The following LYPD6B variants were observed in gnomAD, a reference collection of about 807,000 sequenced individuals.
The protein encoded by LYPD6B is LY6/PLAUR domain containing 6B.
Under a neutral mutation model 22.8 loss-of-function variants are expected in LYPD6B, and 17 were observed. The observed-to-expected ratio is 0.75, with a 90% CI of 0.51 to 1.12. LYPD6B has a LOEUF of 1.12. Among genes scored for constraint, LYPD6B ranks in the 50% most tolerant of loss-of-function variants. LYPD6B has a pLI of 0.00. For synonymous variants in LYPD6B, 106 were observed against 91.6 expected (o/e 1.16, Z -0.90); for missense variants, 221 against 258.3 (o/e 0.86, Z 0.99).
intron 2 of LYPD6B, among the ~76,000 whole-genome samples, chr2:149,134,586 T>C (rs747631738): frequency 1.2e-4 from 18 of 152,214 alleles, no homozygotes; most frequent in Non-Finnish European, 2.2e-4. Context: ...GTAGGTTTGC[T>C]TAAGATAGAT....
chr2:149,208,390 A>G lies in LYPD6B; in HGVS notation c.306A>G (p.Ala102=), dbSNP rs1254861103. The change falls in exon 5 of 7, where the codon GCA becomes GCG. Residue 102 remains alanine, a synonymous_variant. Coordinates refer to ENST00000409642, the MANE Select transcript of LYPD6B (RefSeq NM_177964.5). ...ATAATTATAACTGCAATCGATGGGC[A>G]GAAGACAAATGGTGTCCACAAAGTA... ...AGDNYNCNRW[A]EDKWCPQNTQ... 1.9e-6 allele frequency: 3 copies of G among 1,613,544 alleles called. No individual in the cohort carries two copies. The highest frequency in any genetic ancestry group is 2.5e-6 in the Non-Finnish European group (3 of 1,179,480).
chr2:149,195,180 C>T (rs143784025), intron 3 of LYPD6B, among the ~76,000 whole-genome samples: 66 of 152,312 alleles, frequency 4.3e-4, no homozygotes, highest in African/African-American at 1.6e-3. Context: ...TAGAGACCTT[C>T]AGCCCATCTC....
intron 2 of LYPD6B, among the ~76,000 whole-genome samples, chr2:149,137,413 A>G (rs959523426): frequency 7.2e-5 from 11 of 152,230 alleles, no homozygotes; most frequent in Non-Finnish European, 1.6e-4. Context: ...ATCTATGCAT[A>G]AGAAAATATG....
chr2:149,130,807 A>G (rs1687981849), intron 1 of LYPD6B, 76 bp from the exon 2 acceptor site: 1 of 694,380 alleles, frequency 1.4e-6, no homozygotes, highest in Admixed American at 2.3e-5. Context: ...AAAACCCCCT[A>G]CTTACTTAAA....
At chr2:149,097,334 G>A (rs1685950343) in intron 1 of LYPD6B, among the ~76,000 whole-genome samples, 1 of 152,188 alleles carries the variant, frequency 6.6e-6, no homozygotes, top group Non-Finnish European at 1.5e-5. Context: ...CTTCCCAACA[G>A]GATGCTAGGG....
At chr2:149,129,082 G>A (rs1328422603) in intron 1 of LYPD6B, among the ~76,000 whole-genome samples, 6 of 152,166 alleles carry the variant, frequency 3.9e-5, no homozygotes, top group Non-Finnish European at 8.8e-5. Context: ...TGTGAGATTT[G>A]TGGGGTTGCT....
chr2:149,068,681 TAGGTTGGCATGC>T (rs1157662445), intron 1 of LYPD6B: 1 of 550,368 alleles, frequency 1.8e-6, no homozygotes, highest in Non-Finnish European at 3.6e-6. Context: ...CTTAAAAAAC[TAGGTTGGCATGC>T]ATTTGACTTC....
Position 149,079,552 on chromosome 2 carries a change from C to T in LYPD6B, c.-67+40751C>T, listed in dbSNP as rs543109823. Among the ~76,000 whole-genome samples, 10 of 152,284 alleles carry T rather than the reference C, an allele frequency of 6.6e-5. No individual in the cohort carries two copies. The South Asian group carries it at 8.3e-4, about 13-fold the overall frequency. ...CTATATTAAAGTTCAGAAGTGATTC[C>T]GAACTACCAGCCACCCTTGAAGTCT... On this transcript the variant is annotated intron_variant, in intron 1 of 6. Transcript: ENST00000409642.
At chr2:149,080,834 T>C (rs1236381042) in intron 1 of LYPD6B, among the ~76,000 whole-genome samples, 2 of 102,308 alleles carry the variant, frequency 2.0e-5, no homozygotes, top group African/African-American at 8.2e-5. Context: ...AGAGCAAGAC[T>C]CTATCTCAAA....
chr2:149,117,936 G>T (rs1342906994), intron 1 of LYPD6B, among the ~76,000 whole-genome samples: 1 of 152,146 alleles, frequency 6.6e-6, no homozygotes, highest in African/African-American at 2.4e-5. Context: ...CTAGGCTAGG[G>T]CTGTGGTCAT....
rs1263918672 is a variant in LYPD6B at position 149,054,771 on chromosome 2, C to T, written c.-67+15970C>T. Among the ~76,000 whole-genome samples the T allele has an allele frequency of 3.3e-5, 5 of 151,964 alleles. No homozygotes were observed. In the East Asian group the frequency reaches 5.8e-4, roughly 18 times the overall value. On this transcript the variant is annotated intron_variant, in intron 1 of 6. Coordinates refer to ENST00000409642, the MANE Select transcript of LYPD6B (RefSeq NM_177964.5). ...GCGTGCACCTGCAGTTCCAGCTACC[C>T]AGGTGGCTGAGGCTGGAGAATCTCT...
intron 1 of LYPD6B, among the ~76,000 whole-genome samples, chr2:149,120,149 A>G (rs1398178360): frequency 1.3e-5 from 2 of 151,884 alleles, no homozygotes; most frequent in East Asian, 1.9e-4. Context: ...TGGTCTGTGA[A>G]TATTATGTCC....
chr2:149,106,001 G>A (rs1420368363), intron 1 of LYPD6B, among the ~76,000 whole-genome samples: 1 of 152,036 alleles, frequency 6.6e-6, no homozygotes, highest in Non-Finnish European at 1.5e-5. Flanking sequence ...TATTGGGAAT[G>A]GATATTGAAT....
intron 2 of LYPD6B, among the ~76,000 whole-genome samples, chr2:149,158,425 G>A (rs552111344): frequency 2.9e-3 from 445 of 152,256 alleles, no homozygotes; most frequent in Non-Finnish European, 4.0e-3. Context: ...CACAAGAAAG[G>A]ATAAATATTG....
At chr2:149,118,508 C>A (rs1258237360) in intron 1 of LYPD6B, among the ~76,000 whole-genome samples, 2 of 152,124 alleles carry the variant, frequency 1.3e-5, no homozygotes, top group Non-Finnish European at 2.9e-5. Flanking sequence ...CTTTTTGGGG[C>A]TAATATTGTT....
At chr2:149,077,674 A>G (rs770873501) in intron 1 of LYPD6B, 1 of 152,158 alleles carries the variant, frequency 6.6e-6, no homozygotes, top group Non-Finnish European at 1.5e-5. Flanking sequence ...ATAAACACAT[A>G]CAGTTATAAT....
At chr2:149,072,526 TATTTTATTTC>T (rs1332190737) in intron 1 of LYPD6B, among the ~76,000 whole-genome samples, 6 of 139,328 alleles carry the variant, frequency 4.3e-5, no homozygotes, top group Non-Finnish European at 9.4e-5. Context: ...TATTTTATTT[TATTTTATTTC>T]ATTTTATTTT....
At chr2:149,100,708 T>C (rs929465723) in intron 1 of LYPD6B, among the ~76,000 whole-genome samples, 3 of 152,192 alleles carry the variant, frequency 2.0e-5, no homozygotes, top group African/African-American at 4.8e-5. Flanking sequence ...GTCTGTCTTA[T>C]TTATGTGGAC....
intron 1 of LYPD6B, among the ~76,000 whole-genome samples, chr2:149,052,269 A>G (rs1683597381): frequency 6.6e-6 from 1 of 151,812 alleles, no homozygotes. Flanking sequence ...GTTGGCCAGG[A>G]TGGTCTCGAT....
Sources: allele counts gnomAD v4.1 joint callset (sites outside exome capture counted in the v4.1 genomes callset), GRCh38; gene constraint gnomAD v4.1.1; transcripts MANE v1.5; gene names NCBI Gene and HGNC (gene_info 2026-07-23, HGNC 2026-07-21).